RNF17: variants seen among roughly 807,000 people sequenced by gnomAD.
RNF17 encodes ring finger protein 17.
Under a neutral mutation model 200.5 loss-of-function variants are expected in RNF17, and 31 were observed. That is an observed-to-expected ratio of 0.15 (90% CI 0.12 to 0.21). RNF17 has a LOEUF of 0.21. Ranked by LOEUF, RNF17 falls within the 10% of genes least tolerant of loss-of-function variation. The pLI is 1.00. For missense variants in RNF17, 1,628 were observed against 1,905.1 expected, an observed-to-expected ratio of 0.85 and a Z score of 2.71; for synonymous variants, 606 against 637.8, an observed-to-expected ratio of 0.95 and a Z score of 0.75.
At chr13:24,781,055 T>C (rs371678821) in intron 5 of RNF17, among the ~76,000 whole-genome samples, 2 of 152,074 alleles carry the variant, frequency 1.3e-5, no homozygotes, top group African/African-American at 4.8e-5. Context: ...AGGAATAAGA[T>C]AGACATTCCA....
chr13:24,848,166 AT>A (rs775869075), intron 22 of RNF17, among the ~76,000 whole-genome samples: 5 of 152,218 alleles, frequency 3.3e-5, no homozygotes, highest in Non-Finnish European at 5.9e-5. Context: ...GAGGTTAAGT[AT>A]TTTATTATCT....
chr13:24,829,686 C>T (rs928305936), intron 16 of RNF17, among the ~76,000 whole-genome samples: 8 of 152,120 alleles, frequency 5.3e-5, no homozygotes, highest in African/African-American at 1.7e-4. Flanking sequence ...ATGACAGATA[C>T]TGTATTAGTC....
chr13:24,793,192 G>A lies in RNF17; in HGVS notation c.1086G>A (p.Leu362=). ...CCAGTGAAGCACCACCACCTCCTTT[G>A]CAACCTGAGACAAATGATGTACATT... ...VLTSEAPPPP[L]QPETNDVHLE... Residue 362 remains leucine, a synonymous_variant, in exon 10 of 36, where the codon TTG becomes TTA. Coordinates refer to ENST00000255324, the MANE Select transcript of RNF17 (RefSeq NM_031277.3). 6.2e-7 allele frequency: 1 copy of A among 1,614,062 alleles called. No individual in the cohort carries two copies. The highest frequency in any genetic ancestry group is 8.5e-7 in the Non-Finnish European group (1 of 1,179,968).
chr13:24,772,831 T>C (rs1346330835), intron 2 of RNF17, among the ~76,000 whole-genome samples: 2 of 151,984 alleles, frequency 1.3e-5, no homozygotes, highest in African/African-American at 4.8e-5. Flanking sequence ...AGGATGGTCT[T>C]GATCTCCTGA....
chr13:24,811,047 C>T (rs1009047220), intron 15 of RNF17, among the ~76,000 whole-genome samples: 8 of 152,028 alleles, frequency 5.3e-5, no homozygotes, highest in African/African-American at 9.7e-5. Flanking sequence ...GAGGGTAACC[C>T]GACCTTTCTC....
intron 1 of RNF17, among the ~76,000 whole-genome samples, chr13:24,767,026 T>C (rs1593198053): frequency 2.0e-5 from 3 of 152,322 alleles, no homozygotes; most frequent in Admixed American, 2.0e-4. Flanking sequence ...TATTGCCCAT[T>C]CAACATTAAC....
At chr13:24,833,100 T>G (rs974164962) in intron 18 of RNF17, among the ~76,000 whole-genome samples, 1 of 152,172 alleles carries the variant, frequency 6.6e-6, no homozygotes, top group Non-Finnish European at 1.5e-5. Flanking sequence ...TAACACATAC[T>G]GGCTGGGCTG....
At chr13:24,777,285 A>G (rs1019981174) in intron 3 of RNF17, among the ~76,000 whole-genome samples, 1 of 152,246 alleles carries the variant, frequency 6.6e-6, no homozygotes, top group African/African-American at 2.4e-5. Flanking sequence ...TCTCTGTAAC[A>G]TTTAAACATC....
At chr13:24,768,953 G>T (rs944745026) in intron 2 of RNF17, among the ~76,000 whole-genome samples, 1 of 149,754 alleles carries the variant, frequency 6.7e-6, no homozygotes, top group African/African-American at 2.5e-5. Context: ...TTACATATTA[G>T]TAGCTGCCTA....
At chr13:24,853,134 G>A (rs1892119609) in intron 24 of RNF17, among the ~76,000 whole-genome samples, 3 of 152,068 alleles carry the variant, frequency 2.0e-5, no homozygotes, top group Non-Finnish European at 2.9e-5. Context: ...GGCTGATCTC[G>A]AACTCCTGAC....
chr13:24,853,870 T>A lies in RNF17; in HGVS notation c.3336T>A (p.Asp1112Glu). 6.2e-7 allele frequency: 1 copy of A among 1,606,126 alleles called. No individual in the cohort carries two copies. The highest frequency in any genetic ancestry group is 8.5e-7 in the Non-Finnish European group (1 of 1,176,604). ...GATGTTACAGAATTAATAACTTAGATAACAGCCATTCATTATCTGAGAAGT... is the reference window on the plus strand; with the variant it reads ...GATGTTACAGAATTAATAACTTAGAAAACAGCCATTCATTATCTGAGAAGT... Reference protein sequence around the residue: ...ALRERRINNLDNSHSLSEKSL... With the variant: ...ALRERRINNLENSHSLSEKSL... Residue 1112 changes from aspartate (D) to glutamate (E), a missense_variant, in exon 25 of 36, where the codon GAT becomes GAA. This residue lies in a region of RNF17 where 609 missense variants were observed against 681.9 expected (regional missense o/e 0.89). Transcript: ENST00000255324.
At chr13:24,790,148 G>C (rs1308814881) in intron 9 of RNF17, among the ~76,000 whole-genome samples, 2 of 152,162 alleles carry the variant, frequency 1.3e-5, no homozygotes, top group African/African-American at 4.8e-5. Context: ...CCAAGCAAGG[G>C]AATGATCAGT....
intron 25 of RNF17, among the ~76,000 whole-genome samples, chr13:24,858,592 A>ATATATATATATATATATG: frequency 6.7e-6 from 1 of 150,322 alleles, no homozygotes; most frequent in Non-Finnish European, 1.5e-5. Flanking sequence ...ATATATATAT[A>ATATATATATATATATATG]TGTTTACTGT....
chr13:24,851,575 T>A lies in RNF17; in HGVS notation c.3320+4T>A. ...GTTTGGCTTTGAGAGAAAGGAGGTA[T>A]AGACTTTTTTAAAAAATTTTGACAT... On this transcript the variant is annotated splice_donor_region_variant and intron_variant, in intron 24 of 35. Coordinates refer to ENST00000255324, the MANE Select transcript of RNF17 (RefSeq NM_031277.3). 1 of 1,583,428 alleles carries A rather than the reference T, an allele frequency of 6.3e-7. No individual in the cohort carries two copies. Among genetic ancestry groups the A allele is most frequent in the Non-Finnish European group, 8.6e-7 (1 of 1,163,360 alleles).
At chr13:24,839,726 T>A (rs1193319512) in intron 18 of RNF17, among the ~76,000 whole-genome samples, 1 of 152,140 alleles carries the variant, frequency 6.6e-6, no homozygotes, top group Non-Finnish European at 1.5e-5. Context: ...TATACAAAAA[T>A]CAACTCAAGA....
At chr13:24,813,793 ATTTTTTTTTTTTTTTTTTTTTTTTTTTTT>A (rs61022176) in intron 15 of RNF17, among the ~76,000 whole-genome samples, 6 of 53,924 alleles carry the variant, frequency 1.1e-4, no homozygotes, top group East Asian at 1.2e-3. Context: ...CAGCTCGCTA[ATTTTTTTTTTTTTTTTTTTTTTTTTTTTT>A]TTTTTTTTTT....
intron 16 of RNF17, among the ~76,000 whole-genome samples, chr13:24,827,718 C>CAAAAAAAAA (rs1250308715): frequency 3.7e-5 from 2 of 54,628 alleles, no homozygotes; most frequent in Non-Finnish European, 6.0e-5. Context: ...AAAAAAAAAA[C>CAAAAAAAAA]AAAAAAAAAA....
chr13:24,887,059 G>A, the RNF17 span, among the ~76,000 whole-genome samples: 1 of 152,164 alleles, frequency 6.6e-6, no homozygotes, highest in Non-Finnish European at 1.5e-5. Context: ...GGAAGCTAGG[G>A]AATACACAGT....
rs771530071 is a variant in RNF17 at position 24,764,239 on chromosome 13, G to A, written c.36G>A (p.Arg12=). 4.5e-5 allele frequency: 72 copies of A among 1,608,194 alleles called. No individual in the cohort carries two copies. Among genetic ancestry groups the A allele is most frequent in the Non-Finnish European group, 6.0e-5 (70 of 1,175,576 alleles). Residue 12 remains arginine (R), a synonymous_variant, in exon 1 of 36, where the codon AGG becomes AGA. Transcript: ENST00000255324. ...AAEASKTGPS[R]SSYQRMGRKS... ...AGGCTTCGAAGACTGGGCCTTCTAG[G>A]TCTTCCTACCAGCGAATGGGGAGGA... is the stretch of plus-strand genomic sequence containing the variant.
Sources: gnomAD v4.1 joint callset for allele counts (sites outside exome capture counted in the v4.1 genomes callset) on GRCh38, gnomAD v4.1.1 for gene constraint, gnomAD v4.1.1 regional missense constraint, MANE v1.5 for transcripts, NCBI Gene and HGNC (gene_info 2026-07-23, HGNC 2026-07-21) for gene names.